The following IL1RAPL1 variants were observed in gnomAD, a reference collection of about 807,000 sequenced individuals.
IL1RAPL1 encodes the protein interleukin 1 receptor accessory protein like 1.
Under a neutral mutation model 48.4 loss-of-function variants are expected in IL1RAPL1, and 3 were observed. That is an observed-to-expected ratio of 0.06 (90% CI 0.03 to 0.16). The LOEUF is 0.16. IL1RAPL1 is among the 10% of genes least tolerant of loss of function. The pLI is 1.00. For missense variants in IL1RAPL1, 349 were observed against 530.6 expected (o/e 0.66, Z 3.36); for synonymous variants, 185 against 187.7 (o/e 0.99, Z 0.12).
At chrX:29,236,545 C>CTTTTTTTTTTTTTTTTTTTTTTTTT (rs754996544) in intron 2 of IL1RAPL1, among the ~76,000 whole-genome samples, 9 of 63,175 alleles carry the variant, frequency 1.4e-4, no homozygotes, top group African/African-American at 2.7e-4. Flanking sequence ...CTTTTTTTTT[C>CTTTTTTTTTTTTTTTTTTTTTTTTT]TTTTTTTTTT....
chrX:29,923,040 C>T (rs1932858650), intron 8 of IL1RAPL1, among the ~76,000 whole-genome samples: 1 of 111,999 alleles, frequency 8.9e-6, no homozygotes, highest in Non-Finnish European at 1.9e-5. Context: ...TTCACTGTTA[C>T]CTTTTGTTCA....
intron 1 of IL1RAPL1, among the ~76,000 whole-genome samples, chrX:28,590,821 TG>T (rs1377351669): frequency 8.9e-6 from 1 of 112,195 alleles, no homozygotes; most frequent in Non-Finnish European, 1.9e-5. Context: ...AATAGCAGGA[TG>T]GAAAAAGATT....
chrX:28,870,386 A>C lies in IL1RAPL1; in HGVS notation c.82+80961A>C, dbSNP rs749977577. On this transcript the variant is annotated intron_variant, in intron 2 of 10. Transcript: ENST00000378993. Reference sequence around the variant, plus strand: ...TAACTGTAGGCTTTACATTCCTTATATATCTGACCACTAGTTTATTGTACC... The same window carrying C: ...TAACTGTAGGCTTTACATTCCTTATCTATCTGACCACTAGTTTATTGTACC... Among the ~76,000 whole-genome samples, 9 of 111,498 alleles carry C rather than the reference A, an allele frequency of 8.1e-5. No individual in the cohort carries two copies. In the East Asian group the frequency reaches 2.5e-3, roughly 31 times the overall value.
At chrX:29,389,320 C>A (rs1351599278) in intron 3 of IL1RAPL1, among the ~76,000 whole-genome samples, 1 of 98,035 alleles carries the variant, frequency 1.0e-5, no homozygotes, top group Non-Finnish European at 2.0e-5. Flanking sequence ...TGCGCCACTG[C>A]ACTCCAGCCT....
intron 2 of IL1RAPL1, among the ~76,000 whole-genome samples, chrX:29,053,592 G>C (rs1198283634): frequency 9.0e-6 from 1 of 111,581 alleles, no homozygotes; most frequent in Admixed American, 9.5e-5. Flanking sequence ...TAGCCATTCC[G>C]ACTAGTGTGA....
At chrX:29,103,424 G>A (rs1182884489) in intron 2 of IL1RAPL1, among the ~76,000 whole-genome samples, 1 of 112,042 alleles carries the variant, frequency 8.9e-6, no homozygotes, top group Non-Finnish European at 1.9e-5. Flanking sequence ...TCCATATGCA[G>A]AAGAATGAAT....
At chrX:29,244,710 A>G (rs1377212400) in intron 2 of IL1RAPL1, among the ~76,000 whole-genome samples, 1 of 112,663 alleles carries the variant, frequency 8.9e-6, no homozygotes, top group Non-Finnish European at 1.9e-5. Context: ...TATGCAAGCA[A>G]TAAAATTTCA....
intron 5 of IL1RAPL1, among the ~76,000 whole-genome samples, chrX:29,522,992 A>T (rs145846899): frequency 9.0e-6 from 1 of 111,311 alleles, no homozygotes; most frequent in Non-Finnish European, 1.9e-5. Context: ...ACAATTTTAG[A>T]AACACCCCTT....
chrX:28,728,156 AATTAT>A (rs1233597752), intron 1 of IL1RAPL1, among the ~76,000 whole-genome samples: 219 of 112,100 alleles, frequency 2.0e-3, no homozygotes, highest in Middle Eastern at 4.7e-3. Context: ...ATTATATCAG[AATTAT>A]ATTTTCATAA....
chrX:28,674,009 T>G (rs1378368771), intron 1 of IL1RAPL1, among the ~76,000 whole-genome samples: 1 of 111,920 alleles, frequency 8.9e-6, no homozygotes, highest in Non-Finnish European at 1.9e-5. Flanking sequence ...GCACAGGCTT[T>G]CTTTCAGTGT....
chrX:29,810,751 G>A (rs1930364542), intron 6 of IL1RAPL1, among the ~76,000 whole-genome samples: 1 of 110,811 alleles, frequency 9.0e-6, no homozygotes, highest in Non-Finnish European at 1.9e-5. Context: ...ATCACTGATT[G>A]TTTCTTAGGT....
At chrX:29,103,210 C>T (rs1237228560) in intron 2 of IL1RAPL1, among the ~76,000 whole-genome samples, 2 of 111,703 alleles carry the variant, frequency 1.8e-5, no homozygotes, top group African/African-American at 3.3e-5. Flanking sequence ...AGCACATTAC[C>T]GAGCCCACGT....
chrX:29,589,965 A>G lies in IL1RAPL1; in HGVS notation c.704-78465A>G, dbSNP rs183491474. ...GAGCGGACACGTCACATGGCTTATG[A>G]TTAACGTATAGAAGCTTTCTATTGA... is the stretch of plus-strand genomic sequence containing the variant. On this transcript the variant is annotated intron_variant, in intron 5 of 10. Coordinates refer to ENST00000378993, the MANE Select transcript of IL1RAPL1 (RefSeq NM_014271.4). Among the ~76,000 whole-genome samples, 7 of 111,165 alleles carry G rather than the reference A, an allele frequency of 6.3e-5. No homozygotes were observed. In the East Asian group the frequency reaches 2.0e-3, roughly 32 times the overall value.
chrX:28,886,858 TC>T (rs1922643738), intron 2 of IL1RAPL1, among the ~76,000 whole-genome samples: 1 of 111,210 alleles, frequency 9.0e-6, no homozygotes, highest in South Asian at 3.8e-4. Flanking sequence ...TTCATAATAC[TC>T]TAAGTACGTG....
At chrX:28,864,151 G>A (rs1922020752) in intron 2 of IL1RAPL1, among the ~76,000 whole-genome samples, 1 of 112,081 alleles carries the variant, frequency 8.9e-6, no homozygotes, top group Non-Finnish European at 1.9e-5. Flanking sequence ...ACTGGGATAA[G>A]AGAAAGACAG....
chrX:29,514,081 C>G (rs1935421270), intron 5 of IL1RAPL1, among the ~76,000 whole-genome samples: 1 of 111,284 alleles, frequency 9.0e-6, no homozygotes, highest in Admixed American at 9.6e-5. Flanking sequence ...ATAATATTAT[C>G]ACAATTTTAA....
At chrX:29,712,913 A>G (rs973114245) in intron 6 of IL1RAPL1, among the ~76,000 whole-genome samples, 5 of 112,145 alleles carry the variant, frequency 4.5e-5, no homozygotes, top group Admixed American at 9.5e-5. Flanking sequence ...AGTAGTTGTT[A>G]TATATGGGAC....
At chrX:28,742,142 T>A (rs1436316344) in intron 1 of IL1RAPL1, among the ~76,000 whole-genome samples, 2 of 111,264 alleles carry the variant, frequency 1.8e-5, no homozygotes, top group Non-Finnish European at 3.8e-5. Flanking sequence ...GACTATGCCT[T>A]CTGACTATAC....
intron 1 of IL1RAPL1, among the ~76,000 whole-genome samples, chrX:28,666,914 C>G (rs1601852479): frequency 1.8e-5 from 2 of 111,833 alleles, no homozygotes; most frequent in Non-Finnish European, 3.8e-5. Context: ...CTGAATTTTA[C>G]TAGTACTACT....
Sources: gnomAD v4.1 joint callset for allele counts (sites outside exome capture counted in the v4.1 genomes callset) on GRCh38, gnomAD v4.1.1 for gene constraint, MANE v1.5 for transcripts, NCBI Gene and HGNC (gene_info 2026-07-23, HGNC 2026-07-21) for gene names.